The following CDK14 variants were observed in gnomAD, a reference collection of about 807,000 sequenced individuals.
CDK14 encodes the protein cyclin dependent kinase 14.
Under a neutral mutation model 60.7 loss-of-function variants are expected in CDK14, and 34 were observed. The ratio of observed to expected loss-of-function variants is 0.56; its 90% CI spans 0.43 to 0.75. CDK14 has a LOEUF of 0.75. Among genes scored for constraint, CDK14 ranks in the 30% least tolerant of loss-of-function variants. CDK14 has a pLI of 0.00. For missense variants in CDK14, 482 were observed against 564.1 expected (o/e 0.85, Z 1.47); for synonymous variants, 197 against 203.7 (o/e 0.97, Z 0.28).
chr7:90,918,278 G>C (rs1232778705), intron 8 of CDK14, among the ~76,000 whole-genome samples: 1 of 152,140 alleles, frequency 6.6e-6, no homozygotes, highest in African/African-American at 2.4e-5. Context: ...TCCCAGAATT[G>C]ACTGTTGTTT....
intron 2 of CDK14, among the ~76,000 whole-genome samples, chr7:90,622,610 A>G (rs1799794459): frequency 2.0e-5 from 3 of 152,148 alleles, no homozygotes; most frequent in African/African-American, 7.2e-5. Context: ...AGTGCATTGG[A>G]TTTTTATCTG....
chr7:90,707,165 C>T (rs1801916557), intron 2 of CDK14, among the ~76,000 whole-genome samples: 1 of 152,146 alleles, frequency 6.6e-6, no homozygotes. Flanking sequence ...ATACCTAAAA[C>T]TCAATGTGTA....
intron 14 of CDK14, among the ~76,000 whole-genome samples, chr7:91,181,367 T>C (rs1315082947): frequency 6.6e-6 from 1 of 152,154 alleles, no homozygotes; most frequent in Non-Finnish European, 1.5e-5. Context: ...CCATATTTTC[T>C]ACAAATTGGT....
In CDK14 at chr7:90,743,184, G is replaced by A. The variant is rs886259785; in HGVS notation, c.370-4497G>A. Among the ~76,000 whole-genome samples, 9 of 150,730 alleles carry A rather than the reference G, an allele frequency of 6.0e-5. No individual in the cohort carries two copies. In the East Asian group the frequency reaches 7.7e-4, roughly 13 times the overall value. On this transcript the variant is annotated intron_variant, in intron 3 of 14. Transcript: ENST00000380050. The stretch of plus-strand genomic sequence containing the variant: ...TTAGGGATTCTAACCTATATAGCGT[G>A]GTGGTATGGGATACATATAGATAGT...
Position 90,639,951 on chromosome 7 carries a change from C to G in CDK14, c.123+35702C>G, listed in dbSNP as rs1003802963. On this transcript the variant is annotated intron_variant, in intron 2 of 14. Coordinates refer to ENST00000380050, the MANE Select transcript of CDK14 (RefSeq NM_001287135.2). ...GTGCGGGATATAGTCTCCTGATGCG[C>G]CGGTTTTTAAGCCCGTAGGAAAAGC... Among the ~76,000 whole-genome samples, 140 of 152,106 alleles carry G rather than the reference C, an allele frequency of 9.2e-4. 12 individuals are homozygous for G. Among genetic ancestry groups the G allele is most frequent in the Non-Finnish European group, 5.9e-5 (4 of 68,032 alleles).
At chr7:90,795,562 A>G (rs1788387443) in intron 5 of CDK14, among the ~76,000 whole-genome samples, 1 of 151,962 alleles carries the variant, frequency 6.6e-6, no homozygotes, top group African/African-American at 2.4e-5. Flanking sequence ...AGGCAAAAAA[A>G]GTAGTAAAAT....
chr7:91,052,987 A>G (rs1797434796), intron 11 of CDK14, among the ~76,000 whole-genome samples: 1 of 150,960 alleles, frequency 6.6e-6, no homozygotes, highest in Admixed American at 6.6e-5. Flanking sequence ...AGCTGTATCA[A>G]GGCTTTGTAA....
intron 2 of CDK14, among the ~76,000 whole-genome samples, chr7:90,725,711 A>AG (rs1454523084): frequency 6.6e-6 from 1 of 152,166 alleles, no homozygotes; most frequent in East Asian, 1.9e-4. Flanking sequence ...GAGGCCATCA[A>AG]ATTATTGAAT....
At chr7:90,710,080 CACTT>C in intron 2 of CDK14, 1 of 927,244 alleles carries the variant, frequency 1.1e-6, no homozygotes, top group Non-Finnish European at 1.3e-6. Context: ...TCATTTTACT[CACTT>C]CCTTCTATTT....
chr7:91,176,086 G>C (rs548682813), intron 14 of CDK14, among the ~76,000 whole-genome samples: 1 of 151,638 alleles, frequency 6.6e-6, no homozygotes, highest in Non-Finnish European at 1.5e-5. Context: ...AAATGTAAAA[G>C]AACAGAAATT....
rs79009902 is a variant in CDK14, at chr7:90,836,940, T to C, written c.545-26235T>C. Reference sequence around the variant, plus strand: ...TGTAACTGTATATTGTTTCTGTACCTGCTGAGCAGCAAGTAGAATGTTCAC... The same window carrying C: ...TGTAACTGTATATTGTTTCTGTACCCGCTGAGCAGCAAGTAGAATGTTCAC... On this transcript the variant is annotated intron_variant, in intron 5 of 14. Coordinates refer to ENST00000380050, the MANE Select transcript of CDK14 (RefSeq NM_001287135.2). 6.0e-3 allele frequency among the ~76,000 whole-genome samples: 909 copies of C among 152,376 alleles called. 15 individuals carry two copies. Among genetic ancestry groups the C allele is most frequent in the African/African-American group, 0.021 (860 of 41,594 alleles).
intron 6 of CDK14, among the ~76,000 whole-genome samples, chr7:90,871,615 T>C (rs189805460): frequency 1.3e-5 from 2 of 152,332 alleles, no homozygotes; most frequent in African/African-American, 4.8e-5. Flanking sequence ...GAGCACCTTA[T>C]TGCTAAAAGC....
At chr7:90,640,126 C>G (rs1289482825) in intron 2 of CDK14, among the ~76,000 whole-genome samples, 1 of 152,132 alleles carries the variant, frequency 6.6e-6, no homozygotes. Context: ...GCTGCACCCA[C>G]TGTCCTGTGC....
intron 2 of CDK14, among the ~76,000 whole-genome samples, chr7:90,689,485 G>GTATGAA (rs1157873367): frequency 1.3e-5 from 2 of 152,086 alleles, no homozygotes; most frequent in Non-Finnish European, 2.9e-5. Context: ...GGGCATGAAT[G>GTATGAA]AATGAAAATG....
In CDK14 at chr7:90,702,186, T is replaced by C. The variant is rs571404988; in HGVS notation, c.124-24381T>C. On this transcript the variant is annotated intron_variant, in intron 2 of 14. Transcript: ENST00000380050. ...CAAACAATTCGGTTCTACTTCTTTT[T>C]AAGAAACAGGAACCTATCCTATTTT... 2.0e-5 allele frequency among the ~76,000 whole-genome samples: 3 copies of C among 152,302 alleles called. No individual in the cohort carries two copies. In the South Asian group the frequency reaches 6.2e-4, roughly 32 times the overall value.
intron 7 of CDK14, among the ~76,000 whole-genome samples, chr7:90,912,274 T>C (rs1056533729): frequency 6.6e-6 from 1 of 152,152 alleles, no homozygotes; most frequent in East Asian, 1.9e-4. Flanking sequence ...TGTTATCTAT[T>C]TCTAAGATTT....
intron 4 of CDK14, 123 bp downstream of exon 4, chr7:90,747,898 C>CTT (rs11290265): frequency 7.9e-4 from 141 of 179,382 alleles, no homozygotes; most frequent in South Asian, 1.9e-3. Flanking sequence ...TCACGGTATC[C>CTT]TTTTTTTTTT....
chr7:90,980,056 A>T (rs1425781820), intron 9 of CDK14, among the ~76,000 whole-genome samples: 6 of 152,120 alleles, frequency 3.9e-5, no homozygotes, highest in South Asian at 4.1e-4. Flanking sequence ...GCTTGTACTG[A>T]CAACAAATTG....
chr7:91,189,203 G>T (rs527788614), intron 14 of CDK14, among the ~76,000 whole-genome samples: 10 of 152,144 alleles, frequency 6.6e-5, no homozygotes, highest in African/African-American at 1.7e-4. Context: ...GAATATCAAA[G>T]CATTAAATAA....
Sources: allele counts gnomAD v4.1 joint callset (sites outside exome capture counted in the v4.1 genomes callset), GRCh38; gene constraint gnomAD v4.1.1; transcripts MANE v1.5; gene names NCBI Gene and HGNC (gene_info 2026-07-23, HGNC 2026-07-21).